Variants in BBS1 observed in about 807,000 individuals in gnomAD.
The protein encoded by BBS1 is BBSome complex member BBS1.
In BBS1, 60 loss-of-function variants were observed where a neutral mutation model predicts 73.9. That is an observed-to-expected ratio of 0.81 (90% confidence interval 0.66 to 1.01). BBS1 has a LOEUF of 1.01. Ranked by LOEUF, BBS1 falls within the 50% of genes least tolerant of loss-of-function variation. The probability of loss-of-function intolerance (pLI) is 0.00; values close to 1 mark genes in which losing one functional copy is unlikely to be tolerated. For synonymous variants in BBS1, 283 were observed against 317.4 expected (o/e 0.89, Z 1.15); for missense variants, 718 against 770.3 (o/e 0.93, Z 0.80).
At chr11:66,514,356 G>T in intron 3 of BBS1, 50 bp from the exon 4 acceptor site, 1 of 1,607,708 alleles carries the variant, frequency 6.2e-7, no homozygotes. Flanking sequence ...GAGGGTCAGT[G>T]GAGAGGTCTT....
Position 66,523,586 on chromosome 11 carries a change from C to T in BBS1, c.951+10C>T, listed in dbSNP as rs745672331. 5 of 1,613,996 alleles carry T rather than the reference C, an allele frequency of 3.1e-6. No homozygotes were observed. The highest frequency in any genetic ancestry group is 2.7e-5 in the African/African-American group (2 of 74,924). On this transcript the variant is annotated intron_variant, in intron 10 of 16. Coordinates refer to ENST00000318312, the MANE Select transcript of BBS1 (RefSeq NM_024649.5). ...TGGCTTCACCCACAAGGTGCAGCCC[C>T]CAGCAAGCAGCAGCCCCTCCACGCC...
Position 66,511,001 on chromosome 11 carries a change from C to G in BBS1, c.48-12C>G, listed in dbSNP as rs777165431. 2 of 1,614,118 alleles carry G rather than the reference C, an allele frequency of 1.2e-6. No individual in the cohort carries two copies. The highest frequency in any genetic ancestry group is 2.2e-5 in the East Asian group (1 of 44,882). On this transcript the variant is annotated splice_polypyrimidine_tract_variant and intron_variant, in intron 1 of 16. Coordinates refer to ENST00000318312, the MANE Select transcript of BBS1 (RefSeq NM_024649.5). The stretch of plus-strand genomic sequence containing the variant: ...GGGACTCACTCCCCAACTGTCTTTC[C>G]CCCACTTCCAGCAATGAGGCCAATT...
chr11:66,533,209 T>G lies in BBS1; in HGVS notation c.*1172T>G, dbSNP rs1428548167. ...CCCAGTGCACACACTAGAGAGAAAT[T>G]GTGAACATTAAGGACAAGGAGAATT... is the stretch of plus-strand genomic sequence containing the variant. On this transcript the variant is annotated 3_prime_UTR_variant, in exon 17 of 17. Coordinates refer to ENST00000318312, the MANE Select transcript of BBS1 (RefSeq NM_024649.5). 1 of 152,178 alleles carries G rather than the reference T, an allele frequency of 6.6e-6. No individual in the cohort carries two copies. The highest frequency in any genetic ancestry group is 2.4e-5 in the African/African-American group (1 of 41,430). 9.4% of individuals were successfully genotyped at this position (152,178 alleles called of 1,614,324 possible). A position where few individuals can be genotyped will look rare whatever the true frequency, so the allele number is the denominator to read the frequency against.
chr11:66,512,006 AT>A (rs1230202514), intron 3 of BBS1, among the ~76,000 whole-genome samples: 1 of 140,458 alleles, frequency 7.1e-6, no homozygotes, highest in Non-Finnish European at 1.5e-5. Context: ...AAAAAAAAAT[AT>A]ATATATATAT....
intron 13 of BBS1, chr11:66,528,928 AT>A (rs1165962031): frequency 2.9e-6 from 1 of 340,600 alleles, no homozygotes; most frequent in Non-Finnish European, 4.0e-6. Flanking sequence ...AGATCACGCC[AT>A]TGCACTCCAG....
In BBS1 at chr11:66,526,707, T is replaced by C; in HGVS notation, c.1239T>C (p.Ser413=). ...KRTAVFVEGG[S]EVGPPPAQAM... is the part of the protein sequence containing the mutation. ...CAGCAGTGTTTGTAGAGGGAGGAAGTGAGGTGGGTCCCCCACCAGCCCAGG... is the reference window on the plus strand; with the variant it reads ...CAGCAGTGTTTGTAGAGGGAGGAAGCGAGGTGGGTCCCCCACCAGCCCAGG... The change falls in exon 13 of 17, where the codon AGT becomes AGC. Residue 413 remains serine, a synonymous_variant. Transcript: ENST00000318312. The C allele has an allele frequency of 6.2e-7, 1 of 1,614,180 alleles. No homozygotes were observed. The highest frequency in any genetic ancestry group is 8.5e-7 in the Non-Finnish European group (1 of 1,180,024).
chr11:66,529,962 T>C lies in BBS1; in HGVS notation c.1473+10T>C. Reference sequence around the variant, plus strand: ...CAAGCTGCACGCCGTGGTGAGCATCTGGGTGAGGGCAGAGTCAGGGCCAGA... The same window carrying C: ...CAAGCTGCACGCCGTGGTGAGCATCCGGGTGAGGGCAGAGTCAGGGCCAGA... On this transcript the variant is annotated intron_variant, in intron 14 of 16. Transcript: ENST00000318312. 6.3e-7 allele frequency: 1 copy of C among 1,597,528 alleles called. No individual in the cohort carries two copies. The highest frequency in any genetic ancestry group is 1.3e-5 in the African/African-American group (1 of 74,856).
intron 8 of BBS1, chr11:66,520,614 T>C (rs1289470142): frequency 6.3e-6 from 1 of 159,032 alleles, no homozygotes; most frequent in Non-Finnish European, 1.4e-5. Context: ...GACCACGCAA[T>C]ATCCATCATA....
At chr11:66,516,875 G>A (rs1274705059) in intron 7 of BBS1, among the ~76,000 whole-genome samples, 1 of 152,032 alleles carries the variant, frequency 6.6e-6, no homozygotes, top group Non-Finnish European at 1.5e-5. Context: ...CAATCTTGAT[G>A]ATAATCACAC....
intron 3 of BBS1, among the ~76,000 whole-genome samples, chr11:66,513,152 C>T (rs978685322): frequency 1.3e-5 from 2 of 151,240 alleles, no homozygotes; most frequent in South Asian, 2.1e-4. Context: ...GGAGCGCCAA[C>T]GAGAACAATG....
chr11:66,511,477 G>C (rs370383610), intron 3 of BBS1, among the ~76,000 whole-genome samples: 1 of 152,178 alleles, frequency 6.6e-6, no homozygotes, highest in Non-Finnish European at 1.5e-5. Flanking sequence ...CTAAGACAAA[G>C]CCTCTTAGTT....
intron 3 of BBS1, among the ~76,000 whole-genome samples, chr11:66,512,412 A>G (rs1855973302): frequency 6.6e-6 from 1 of 152,014 alleles, no homozygotes; most frequent in Non-Finnish European, 1.5e-5. Context: ...CTGGAATCCC[A>G]CCCCACACAG....
chr11:66,514,765 G>T, intron 4 of BBS1, 87 bp downstream of exon 4: 3 of 1,528,282 alleles, frequency 2.0e-6, no homozygotes, highest in Non-Finnish European at 2.7e-6. Context: ...GAAGAACGTG[G>T]GCTGGTGGCA....
chr11:66,526,070 T>A, intron 11 of BBS1, 53 bp from the exon 12 acceptor site: 1 of 1,572,686 alleles, frequency 6.4e-7, no homozygotes, highest in South Asian at 1.1e-5. Flanking sequence ...ATCCCCTGTC[T>A]TGCTTTCCTC....
intron 9 of BBS1, 98 bp from the exon 10 acceptor site, chr11:66,523,357 TC>T (rs1427928058): frequency 7.3e-5 from 113 of 1,544,906 alleles, no homozygotes; most frequent in Non-Finnish European, 9.8e-5. Flanking sequence ...GGGCCAGTGT[TC>T]CTCCCAGGTG....
chr11:66,521,681 G>A (rs534816922), intron 9 of BBS1: 269 of 373,844 alleles, frequency 7.2e-4, no homozygotes, highest in African/African-American at 4.9e-3. Context: ...CGAGGCAAGC[G>A]GATCACCTGA....
At chr11:66,522,239 T>C (rs1406525663) in intron 9 of BBS1, among the ~76,000 whole-genome samples, 2 of 150,396 alleles carry the variant, frequency 1.3e-5, no homozygotes, top group African/African-American at 4.9e-5. Context: ...AGGAAACAGA[T>C]GGGAAGAAAT....
intron 9 of BBS1, chr11:66,522,740 A>G: frequency 9.3e-6 from 2 of 214,462 alleles, no homozygotes; most frequent in Non-Finnish European, 1.9e-5. Flanking sequence ...GAACAAGATA[A>G]ATATGGTCCC....
At chr11:66,510,935 A>T (rs1855928088) in intron 1 of BBS1, 78 bp from the exon 2 acceptor site, 2 of 1,506,010 alleles carry the variant, frequency 1.3e-6, no homozygotes, top group African/African-American at 1.4e-5. Flanking sequence ...GTTCAGAGTG[A>T]CCTGTACCAG....
Sources: allele counts gnomAD v4.1 joint callset (sites outside exome capture counted in the v4.1 genomes callset), GRCh38; gene constraint gnomAD v4.1.1; transcripts MANE v1.5; gene names NCBI Gene and HGNC (gene_info 2026-07-23, HGNC 2026-07-21).